Variants in CUX1 observed in about 807,000 individuals in gnomAD.
CUX1 encodes the protein protein CASP.
CUX1 carries 31 observed loss-of-function variants against 158.8 expected under a neutral mutation model. The ratio of observed to expected loss-of-function variants is 0.20; its 90% CI spans 0.15 to 0.26. The LOEUF (loss-of-function observed/expected upper bound fraction) is 0.26, where lower values mean the gene tolerates loss of function less well. Among genes scored for constraint, CUX1 ranks in the 10% least tolerant of loss-of-function variants. CUX1 has a pLI of 1.00. For synonymous variants in CUX1, 879 were observed against 862.1 expected, an observed-to-expected ratio of 1.02 and a Z score of -0.34; for missense variants, 1,589 against 2,014.6, an observed-to-expected ratio of 0.79 and a Z score of 4.04.
At chr7:101,947,439 C>T (rs1017426200) in intron 2 of CUX1, among the ~76,000 whole-genome samples, 8 of 152,140 alleles carry the variant, frequency 5.3e-5, no homozygotes, top group African/African-American at 1.7e-4. Context: ...AGGCCCGAGC[C>T]CGAGCTTAAA....
chr7:102,005,107 T>A (rs1276410308), intron 2 of CUX1, among the ~76,000 whole-genome samples: 1 of 152,038 alleles, frequency 6.6e-6, no homozygotes, highest in Non-Finnish European at 1.5e-5. Flanking sequence ...CTCCTGCCCG[T>A]CATTCAGGCT....
chr7:102,049,602 G>A (rs982621369), intron 3 of CUX1, among the ~76,000 whole-genome samples: 1 of 152,090 alleles, frequency 6.6e-6, no homozygotes, highest in Admixed American at 6.6e-5. Context: ...GTGATGGAGA[G>A]GCCGAGGCAG....
rs1826829155 is a variant in CUX1, at chr7:102,077,100, G to A, written c.268+6683G>A. Among the ~76,000 whole-genome samples, 3 of 151,794 alleles carry A rather than the reference G, an allele frequency of 2.0e-5. No homozygotes were observed. The South Asian group carries it at 6.2e-4, about 32-fold the overall frequency. On this transcript the variant is annotated intron_variant, in intron 4 of 23. Coordinates refer to ENST00000292535, the MANE Select transcript of CUX1 (RefSeq NM_181552.4). ...TAATTGCACAAATAACTGAATTTTA[G>A]GTGCGATAAGCAAAGCCCACTGGGC...
chr7:102,097,230 C>A, intron 4 of CUX1, 134 bp from the exon 5 acceptor site: 1 of 1,052,146 alleles, frequency 9.5e-7, no homozygotes, highest in Non-Finnish European at 1.3e-6. Flanking sequence ...GGGCTGGCTG[C>A]AGGGGCATGA....
intron 3 of CUX1, among the ~76,000 whole-genome samples, chr7:102,042,050 G>A (rs768788827): frequency 2.0e-5 from 3 of 148,094 alleles, no homozygotes; most frequent in Non-Finnish European, 4.5e-5. Context: ...GAGTGAGTGT[G>A]TGAGTGTGTG....
At chr7:101,932,322 G>T in intron 2 of CUX1, 1 of 264,670 alleles carries the variant, frequency 3.8e-6, no homozygotes, top group South Asian at 3.9e-5. Flanking sequence ...TTTCCCTGGG[G>T]TCAGGTGTGT....
chr7:101,982,708 T>C (rs1198068012), intron 2 of CUX1, among the ~76,000 whole-genome samples: 1 of 152,118 alleles, frequency 6.6e-6, no homozygotes, highest in African/African-American at 2.4e-5. Context: ...ATTACAGGTG[T>C]GAGCCAACAG....
At chr7:102,217,623 G>A (rs1345627828) in intron 20 of CUX1, among the ~76,000 whole-genome samples, 1 of 151,694 alleles carries the variant, frequency 6.6e-6, no homozygotes, top group Non-Finnish European at 1.5e-5. Context: ...ATGCGATGGT[G>A]TCTAGAGGGA....
chr7:101,894,689 C>T (rs1801272138), intron 1 of CUX1, among the ~76,000 whole-genome samples: 1 of 152,212 alleles, frequency 6.6e-6, no homozygotes, highest in African/African-American at 2.4e-5. Context: ...GCTTTTGCAG[C>T]CACTCAGATT....
chr7:102,022,900 C>G (rs7804034), intron 2 of CUX1, among the ~76,000 whole-genome samples: 40,536 of 152,136 alleles, frequency 0.27, 5,825 homozygotes, highest in Non-Finnish European at 0.31. Flanking sequence ...AAGTGTGTAA[C>G]GTGTAACTTG....
intron 2 of CUX1, among the ~76,000 whole-genome samples, chr7:101,934,738 C>T (rs1032795402): frequency 6.6e-6 from 1 of 152,116 alleles, no homozygotes; most frequent in Non-Finnish European, 1.5e-5. Flanking sequence ...GAAAGCGCTT[C>T]CCCCGGGGAC....
rs1801226899 is a variant in CUX1, at chr7:102,249,314, G to GCCTGGACC, written c.*281_*288dup. On this transcript the variant is annotated 3_prime_UTR_variant, in exon 24 of 24. Coordinates refer to ENST00000292535, the MANE Select transcript of CUX1 (RefSeq NM_181552.4). Reference sequence around the variant, plus strand: ...CCCCGCGGCCCAGACCCAGCCCGCGGCCTGGACCCCTGGACCGCTTTGCGC... The same window carrying GCCTGGACC: ...CCCCGCGGCCCAGACCCAGCCCGCGGCCTGGACCCCTGGACCCCTGGACCGCTTTGCGC... 1.9e-6 allele frequency: 2 copies of GCCTGGACC among 1,028,100 alleles called. No homozygotes were observed. The highest frequency in any genetic ancestry group is 5.8e-5 in the Admixed American group (1 of 17,370). 63.7% of individuals were successfully genotyped at this position (1,028,100 alleles called of 1,614,324 possible). A position where few individuals can be genotyped will look rare whatever the true frequency, so the allele number is the denominator to read the frequency against.
Position 102,250,185 on chromosome 7 carries a change from C to T in CUX1, c.*1143C>T, listed in dbSNP as rs1161697294. On this transcript the variant is annotated 3_prime_UTR_variant, in exon 24 of 24. Transcript: ENST00000292535. Reference sequence around the variant, plus strand: ...TTTAGGAGACAAGTTAGAACTGTAGCATGTACCTGTTAATTTTGTTTAATT... The same window carrying T: ...TTTAGGAGACAAGTTAGAACTGTAGTATGTACCTGTTAATTTTGTTTAATT... The T allele has an allele frequency of 2.9e-5, 29 of 985,274 alleles. No homozygotes were observed. The highest frequency in any genetic ancestry group is 6.2e-5 in the Admixed American group (1 of 16,260). 61.0% of individuals were successfully genotyped at this position (985,274 alleles called of 1,614,324 possible). A position where few individuals can be genotyped will look rare whatever the true frequency, so the allele number is the denominator to read the frequency against.
intron 22 of CUX1, chr7:102,283,015 C>A (rs1554549835): frequency 1.2e-6 from 2 of 1,612,824 alleles, no homozygotes; most frequent in African/African-American, 1.3e-5. Context: ...TTCCCGTGTC[C>A]CCCAGGTTCG....
At chr7:102,172,813 G>A (rs1472365935) in intron 10 of CUX1, among the ~76,000 whole-genome samples, 1 of 152,174 alleles carries the variant, frequency 6.6e-6, no homozygotes, top group East Asian at 1.9e-4. Context: ...TGTAATCCCA[G>A]CCCTTTGGGA....
intron 1 of CUX1, among the ~76,000 whole-genome samples, chr7:101,818,645 T>C (rs1215332324): frequency 6.6e-6 from 1 of 152,248 alleles, no homozygotes; most frequent in Non-Finnish European, 1.5e-5. Flanking sequence ...CATTCCTCTT[T>C]ACTCCTTTGC....
chr7:102,132,680 CTTTTT>C (rs1174779466), intron 8 of CUX1, among the ~76,000 whole-genome samples: 25 of 115,188 alleles, frequency 2.2e-4, no homozygotes, highest in Non-Finnish European at 3.4e-5. Flanking sequence ...CTTTGCTTTT[CTTTTT>C]TTTTTTTTTT....
intron 1 of CUX1, among the ~76,000 whole-genome samples, chr7:101,842,008 A>G (rs1369018459): frequency 6.6e-6 from 1 of 152,064 alleles, no homozygotes; most frequent in Non-Finnish European, 1.5e-5. Context: ...GTAATTTTCT[A>G]TTCATTTTGT....
At chr7:102,081,750 A>T (rs1162298201) in intron 4 of CUX1, among the ~76,000 whole-genome samples, 1 of 146,106 alleles carries the variant, frequency 6.8e-6, no homozygotes, top group Non-Finnish European at 1.5e-5. Context: ...CTCCTCCCTC[A>T]GCCTCCCTGG....
Sources: gnomAD v4.1 joint callset for allele counts (sites outside exome capture counted in the v4.1 genomes callset) on GRCh38, gnomAD v4.1.1 for gene constraint, MANE v1.5 for transcripts, NCBI Gene and HGNC (gene_info 2026-07-23, HGNC 2026-07-21) for gene names.